CAPRIN1: variants seen among roughly 807,000 people sequenced by gnomAD.
CAPRIN1 encodes the protein caprin-1.
CAPRIN1 carries 29 observed loss-of-function variants against 100.9 expected under a neutral mutation model. That is an observed-to-expected ratio of 0.29 (90% CI 0.21 to 0.39). CAPRIN1 has a LOEUF of 0.39. Ranked by LOEUF, CAPRIN1 falls within the 10% of genes least tolerant of loss-of-function variation. CAPRIN1 has a pLI of 1.00. For synonymous variants in CAPRIN1, 338 were observed against 307.5 expected (o/e 1.10, Z -1.04); for missense variants, 795 against 876.7 (o/e 0.91, Z 1.18).
At chr11:34,052,397 C>G (rs1404450320) in intron 1 of CAPRIN1, 24 bp from the exon 2 acceptor site, 1 of 1,595,188 alleles carries the variant, frequency 6.3e-7, no homozygotes. Context: ...CCCGCTTTTT[C>G]TTCTCTCTCC....
chr11:34,090,765 C>A, intron 14 of CAPRIN1, 87 bp downstream of exon 14: 1 of 1,194,424 alleles, frequency 8.4e-7, no homozygotes, highest in Non-Finnish European at 1.2e-6. Flanking sequence ...CTTCATTTAA[C>A]TGTGCTTGAG....
chr11:34,091,175 T>G (rs1851256007), intron 14 of CAPRIN1, among the ~76,000 whole-genome samples: 1 of 152,218 alleles, frequency 6.6e-6, no homozygotes, highest in Admixed American at 6.5e-5. Context: ...TTCATAAGAT[T>G]AAATATTAAA....
At chr11:34,061,702 G>T (rs1277340606) in intron 2 of CAPRIN1, among the ~76,000 whole-genome samples, 1 of 151,828 alleles carries the variant, frequency 6.6e-6, no homozygotes, top group Non-Finnish European at 1.5e-5. Context: ...GGGCACAATG[G>T]CTCATGCCTG....
At chr11:34,097,104 T>C in intron 16 of CAPRIN1, 92 bp from the exon 17 acceptor site, 2 of 857,708 alleles carry the variant, frequency 2.3e-6, no homozygotes, top group Non-Finnish European at 3.9e-6. Flanking sequence ...GCCTGGCTTA[T>C]AATTTCTAGT....
In CAPRIN1 at chr11:34,057,783, A is replaced by G. The variant is rs1412677451; in HGVS notation, c.216+5147A>G. 2.0e-5 allele frequency among the ~76,000 whole-genome samples: 3 copies of G among 152,044 alleles called. No homozygotes were observed. In the East Asian group the frequency reaches 5.8e-4, roughly 29 times the overall value. Reference sequence around the variant, plus strand: ...GCCCAGGCTGGAGTGTAATGGCATGACCTCGGCTCACTACAACCTCCCCCT... The same window carrying G: ...GCCCAGGCTGGAGTGTAATGGCATGGCCTCGGCTCACTACAACCTCCCCCT... On this transcript the variant is annotated intron_variant, in intron 2 of 18. Coordinates refer to ENST00000341394, the MANE Select transcript of CAPRIN1 (RefSeq NM_005898.5).
At chr11:34,097,171 T>C (rs1851384383) in intron 16 of CAPRIN1, 25 bp from the exon 17 acceptor site, 3 of 1,498,122 alleles carry the variant, frequency 2.0e-6, no homozygotes, top group Admixed American at 1.7e-5. Flanking sequence ...AAGAAAATTA[T>C]TTCTTTTCTT....
chr11:34,062,063 T>C (rs1850591838), intron 2 of CAPRIN1, among the ~76,000 whole-genome samples: 1 of 152,192 alleles, frequency 6.6e-6, no homozygotes, highest in African/African-American at 2.4e-5. Flanking sequence ...GAGCATGCTT[T>C]CAACATTTGA....
At chr11:34,070,414 G>T (rs1426325606) in intron 2 of CAPRIN1, among the ~76,000 whole-genome samples, 2 of 152,160 alleles carry the variant, frequency 1.3e-5, no homozygotes, top group Non-Finnish European at 2.9e-5. Context: ...CCTTGGGGTG[G>T]GGAGCAGCAT....
At chr11:34,098,241 G>T (rs1346325093) in intron 18 of CAPRIN1, 1 of 985,626 alleles carries the variant, frequency 1.0e-6, no homozygotes, top group Admixed American at 6.0e-5. Flanking sequence ...AGAAGTGATA[G>T]AACTAATGGA....
At chr11:34,098,618 A>C in intron 18 of CAPRIN1, 1 of 985,274 alleles carries the variant, frequency 1.0e-6, no homozygotes, top group East Asian at 1.1e-4. Flanking sequence ...AAAAAGGTAC[A>C]TTTTTCTAAA....
At chr11:34,083,940 AT>A (rs1851082835) in intron 9 of CAPRIN1, among the ~76,000 whole-genome samples, 1 of 152,068 alleles carries the variant, frequency 6.6e-6, no homozygotes, top group African/African-American at 2.4e-5. Context: ...ATGGTGGTGC[AT>A]GCCTGTAATC....
intron 12 of CAPRIN1, among the ~76,000 whole-genome samples, chr11:34,089,794 C>CT (rs1851227766): frequency 6.6e-6 from 1 of 151,796 alleles, no homozygotes; most frequent in African/African-American, 2.4e-5. Flanking sequence ...CTCTTGATGA[C>CT]TTTTTAAGTT....
At position 34,086,141 on chromosome 11, in the gene CAPRIN1, T is replaced by A. The variant is rs1473299071; in HGVS notation, c.1044T>A (p.Ala348=). 1.2e-6 allele frequency: 2 copies of A among 1,614,178 alleles called. No homozygotes were observed. The highest frequency in any genetic ancestry group is 1.7e-6 in the Non-Finnish European group (2 of 1,180,008). ...VPEPHSLTPV[A]QADPLVRRQR... ...AGCCCCACTCTTTGACTCCAGTGGC[T>A]CAGGCAGATCCCCTTGTGAGAAGAC... Residue 348 remains alanine (A), a synonymous_variant, in exon 10 of 19, where the codon GCT becomes GCA. Transcript: ENST00000341394.
chr11:34,061,099 T>TTATC (rs1850567466), intron 2 of CAPRIN1, among the ~76,000 whole-genome samples: 1 of 152,184 alleles, frequency 6.6e-6, no homozygotes, highest in African/African-American at 2.4e-5. Context: ...GGATTGGCTT[T>TTATC]TATCTTTTTT....
chr11:34,056,858 A>G (rs1300353179), intron 2 of CAPRIN1, among the ~76,000 whole-genome samples: 1 of 152,254 alleles, frequency 6.6e-6, no homozygotes, highest in African/African-American at 2.4e-5. Flanking sequence ...ATGCAAAAAT[A>G]GCCTGACAGC....
In CAPRIN1 at chr11:34,076,340, C is replaced by T. The variant is rs777430367; in HGVS notation, c.471C>T (p.Asp157=). The change falls in exon 5 of 19, where the codon GAC becomes GAT. Residue 157 remains aspartate, a synonymous_variant. Transcript: ENST00000341394. ...TACTTGAGCTACAGTATGTTTTGGA[C>T]AAATTGGGAGATGATGAAGTGCGGA... is the stretch of plus-strand genomic sequence containing the variant. ...KTVLELQYVL[D]KLGDDEVRTD... 9.9e-6 allele frequency: 16 copies of T among 1,613,988 alleles called. No homozygotes were observed. In the South Asian group the frequency reaches 1.5e-4, roughly 16 times the overall value.
chr11:34,096,752 G>A (rs1851375012), intron 16 of CAPRIN1, 79 bp downstream of exon 16: 3 of 1,120,586 alleles, frequency 2.7e-6, no homozygotes, highest in African/African-American at 3.2e-5. Context: ...ATATCACACA[G>A]TTTTTGGGAA....
chr11:34,069,073 A>G (rs1257267150), intron 2 of CAPRIN1, among the ~76,000 whole-genome samples: 1 of 151,684 alleles, frequency 6.6e-6, no homozygotes, highest in East Asian at 1.9e-4. Context: ...TTCTGTTTGT[A>G]TATTTTTAAA....
rs184091147 is a variant in CAPRIN1 at position 34,083,699 on chromosome 11, C to T, written c.966+658C>T. Among the ~76,000 whole-genome samples, 38 of 152,296 alleles carry T rather than the reference C, an allele frequency of 2.5e-4. No individual in the cohort carries two copies. The East Asian group carries it at 6.6e-3, about 26-fold the overall frequency. On this transcript the variant is annotated intron_variant, in intron 9 of 18. Transcript: ENST00000341394. ...CTTCTTTTAGATGTCTTTCTTTACACCCCCAAGGTGCAGGAAAATAGCTGT... is the reference window on the plus strand; with the variant it reads ...CTTCTTTTAGATGTCTTTCTTTACATCCCCAAGGTGCAGGAAAATAGCTGT...
Sources: gnomAD v4.1 joint callset for allele counts (sites outside exome capture counted in the v4.1 genomes callset) on GRCh38, gnomAD v4.1.1 for gene constraint, MANE v1.5 for transcripts, NCBI Gene and HGNC (gene_info 2026-07-23, HGNC 2026-07-21) for gene names.